Variants in MED27 observed in about 807,000 individuals in gnomAD.
MED27 encodes mediator of RNA polymerase II transcription subunit 27.
A neutral mutation model predicts 38.2 loss-of-function variants in MED27; 30 were observed. The ratio of observed to expected loss-of-function variants is 0.79; its 90% CI spans 0.59 to 1.07. MED27 has a LOEUF of 1.07. Ranked by LOEUF, MED27 falls within the 50% of genes least tolerant of loss-of-function variation. The pLI, the probability that MED27 is intolerant of heterozygous loss-of-function variation, is 0.00. For synonymous variants in MED27, 122 were observed against 153.5 expected (o/e 0.79, Z 1.52); for missense variants, 289 against 397.5 (o/e 0.73, Z 2.32).
chr9:132,035,048 C>T (rs150861435), intron 2 of MED27, among the ~76,000 whole-genome samples: 123 of 152,222 alleles, frequency 8.1e-4, no homozygotes, highest in Middle Eastern at 6.8e-3. Flanking sequence ...ACTTTTGAAA[C>T]GGTAACAATA....
At chr9:131,878,340 C>A (rs982289711) in intron 6 of MED27, among the ~76,000 whole-genome samples, 1 of 151,798 alleles carries the variant, frequency 6.6e-6, no homozygotes. Flanking sequence ...AATAAATGAA[C>A]AAAGGAATGA....
intron 2 of MED27, among the ~76,000 whole-genome samples, chr9:132,048,627 C>G (rs571835169): frequency 6.6e-6 from 1 of 152,288 alleles, no homozygotes; most frequent in East Asian, 1.9e-4. Flanking sequence ...TGTTCTACAG[C>G]CCCATGCTTA....
At chr9:131,900,404 G>C (rs1221840928) in intron 4 of MED27, among the ~76,000 whole-genome samples, 1 of 152,234 alleles carries the variant, frequency 6.6e-6, no homozygotes, top group Admixed American at 6.5e-5. Flanking sequence ...AGTAGAAAAA[G>C]TATTTAGTTC....
Position 131,862,651 on chromosome 9 carries a change from T to C in MED27, c.801+412A>G, listed in dbSNP as rs1838672088. Among the ~76,000 whole-genome samples, 1 of 152,188 alleles carries C rather than the reference T, an allele frequency of 6.6e-6. No homozygotes were observed. Among genetic ancestry groups the C allele is most frequent in the Non-Finnish European group, 1.5e-5 (1 of 68,026 alleles). ...CCCATTGGAATGGCTGCTTTGGGGCTGCTATCATCTCGAGCTCCAACTCCG... is the reference window on the plus strand; with the variant it reads ...CCCATTGGAATGGCTGCTTTGGGGCCGCTATCATCTCGAGCTCCAACTCCG... On this transcript the variant is annotated intron_variant, in intron 7 of 7. Transcript: ENST00000292035. The surrounding 1 kb of genome is among the most constrained non-coding windows in gnomAD (Gnocchi z 4.6).
At chr9:131,963,514 C>A (rs1234648859) in intron 3 of MED27, among the ~76,000 whole-genome samples, 1 of 152,086 alleles carries the variant, frequency 6.6e-6, no homozygotes, top group Non-Finnish European at 1.5e-5. Flanking sequence ...CTGTAAGGAG[C>A]CAGGCTCAGT....
At chr9:131,986,605 G>A (rs1398195526) in intron 3 of MED27, among the ~76,000 whole-genome samples, 1 of 152,164 alleles carries the variant, frequency 6.6e-6, no homozygotes, top group Non-Finnish European at 1.5e-5. Flanking sequence ...GTACCATGCT[G>A]TAGAGGTTTG....
chr9:131,927,891 G>A (rs1037681698), intron 4 of MED27, among the ~76,000 whole-genome samples: 2 of 152,160 alleles, frequency 1.3e-5, no homozygotes, highest in African/African-American at 2.4e-5. Flanking sequence ...GTTGCTCCAG[G>A]CACGTCAGGA....
At chr9:132,059,130 T>C (rs760694814) in intron 2 of MED27, among the ~76,000 whole-genome samples, 3 of 152,096 alleles carry the variant, frequency 2.0e-5, no homozygotes, top group Non-Finnish European at 4.4e-5. Flanking sequence ...AAAAATGAAA[T>C]TTAACTCACA....
intron 2 of MED27, among the ~76,000 whole-genome samples, chr9:132,060,337 C>A (rs561702207): frequency 6.6e-6 from 1 of 152,294 alleles, no homozygotes; most frequent in African/African-American, 2.4e-5. Context: ...GCTGTAGACA[C>A]AAGCTTGACC....
At chr9:131,863,591 T>C (rs1163161116) in intron 6 of MED27, among the ~76,000 whole-genome samples, 11 of 152,212 alleles carry the variant, frequency 7.2e-5, no homozygotes, top group Non-Finnish European at 2.9e-5. Context: ...TCTCTTTCCA[T>C]TTCCTTGAAT....
intron 2 of MED27, chr9:132,073,803 G>T: frequency 6.8e-7 from 1 of 1,480,038 alleles, no homozygotes; most frequent in South Asian, 1.4e-5. Context: ...ACCTCGCTCT[G>T]GGCCCATTTC....
chr9:131,880,313 T>C (rs1444884476), intron 6 of MED27, among the ~76,000 whole-genome samples: 2 of 152,228 alleles, frequency 1.3e-5, no homozygotes, highest in Non-Finnish European at 2.9e-5. Flanking sequence ...GTTTCCTTCA[T>C]TTGACAGCAA....
intron 5 of MED27, among the ~76,000 whole-genome samples, chr9:131,886,041 A>G (rs1256716040): frequency 1.3e-5 from 2 of 152,212 alleles, no homozygotes; most frequent in Non-Finnish European, 2.9e-5. Flanking sequence ...GCCATTGGAC[A>G]GGAAAAGTCC....
intron 4 of MED27, among the ~76,000 whole-genome samples, chr9:131,931,042 C>G (rs944538243): frequency 6.6e-6 from 1 of 152,006 alleles, no homozygotes; most frequent in African/African-American, 2.4e-5. Context: ...CTCAGGAGTT[C>G]AAGATCAGCC....
chr9:131,867,779 A>G (rs1201287848), intron 6 of MED27, among the ~76,000 whole-genome samples: 2 of 152,254 alleles, frequency 1.3e-5, no homozygotes, highest in Non-Finnish European at 2.9e-5. Flanking sequence ...ATGCATGAGA[A>G]TGCGAGGCTG....
chr9:132,006,070 C>T (rs1832353854), intron 3 of MED27, among the ~76,000 whole-genome samples: 1 of 152,134 alleles, frequency 6.6e-6, no homozygotes, highest in Non-Finnish European at 1.5e-5. Flanking sequence ...AATACTGTTA[C>T]TTAATACTTG....
Position 131,860,440 on chromosome 9 carries a change from C to T in MED27, c.*98G>A. ...TTTATGAAAGGGAGGAGCAGCTGTA[C>T]ACATCTGGGCAGTGAGGAACCAGCT... On this transcript the variant is annotated 3_prime_UTR_variant, in exon 8 of 8. Coordinates refer to ENST00000292035, the MANE Select transcript of MED27 (RefSeq NM_004269.4). This position sits in a 1 kb window ranked among gnomAD's most constrained non-coding sequence, Gnocchi z 5.8. The T allele has an allele frequency of 7.5e-7, 1 of 1,338,358 alleles. No homozygotes were observed. Among genetic ancestry groups the T allele is most frequent in the South Asian group, 1.6e-5 (1 of 64,468 alleles). The allele number at this position is 1,338,358 out of a possible 1,614,324, so 82.9% of individuals were successfully genotyped here.
intron 6 of MED27, among the ~76,000 whole-genome samples, chr9:131,863,888 GA>G (rs1410876939): frequency 6.6e-6 from 1 of 152,192 alleles, no homozygotes; most frequent in African/African-American, 2.4e-5. Context: ...AAGGCTGCTT[GA>G]AGTCCAGTGA....
intron 4 of MED27, among the ~76,000 whole-genome samples, chr9:131,919,325 G>A (rs112853397): frequency 0.033 from 5,049 of 152,222 alleles, 294 homozygotes; most frequent in African/African-American, 0.11. Flanking sequence ...TCTCAGCCTC[G>A]GTTGCTGGGT....
Sources: allele counts gnomAD v4.1 joint callset (sites outside exome capture counted in the v4.1 genomes callset), GRCh38; gene constraint gnomAD v4.1.1; non-coding constraint Gnocchi (gnomAD v3.1); transcripts MANE v1.5; gene names NCBI Gene and HGNC (gene_info 2026-07-23, HGNC 2026-07-21).